Variants in NPSR1 observed in about 807,000 individuals in gnomAD.
NPSR1 encodes the protein neuropeptide S receptor.
In NPSR1, 48 loss-of-function variants were observed where a neutral mutation model predicts 46.9. The observed-to-expected ratio is 1.02, with a 90% CI of 0.81 to 1.30. The LOEUF is 1.30. Among genes scored for constraint, NPSR1 ranks in the 50% most tolerant of loss-of-function variants. The probability of loss-of-function intolerance (pLI) is 0.00; values close to 1 mark genes in which losing one functional copy is unlikely to be tolerated. For missense variants in NPSR1, 450 were observed against 449.5 expected (o/e 1.00, Z -0.01); for synonymous variants, 176 against 168.1 (o/e 1.05, Z -0.36).
At position 34,835,582 on chromosome 7, in the gene NPSR1, A is replaced by G. The variant is rs574667421; in HGVS notation, c.757+1122A>G. On this transcript the variant is annotated intron_variant, in intron 6 of 8. Transcript: ENST00000360581. ...CTCCCTCTTAAAGCTACTTTTTCCA[A>G]TAAGACTGTGAGGCCACCAAGAGGA... 2.5e-4 allele frequency among the ~76,000 whole-genome samples: 38 copies of G among 152,288 alleles called. No homozygotes were observed. The South Asian group carries it at 7.5e-3, about 30-fold the overall frequency.
At chr7:34,853,593 T>C (rs1790986380), downstream of NPSR1, among the ~76,000 whole-genome samples, 1 of 152,214 alleles carries the variant, frequency 6.6e-6, no homozygotes, top group Non-Finnish European at 1.5e-5. Flanking sequence ...GATGGAGTCT[T>C]ATATCAGCTG....
At chr7:34,722,878 C>T (rs1783933075) in intron 2 of NPSR1, among the ~76,000 whole-genome samples, 1 of 152,124 alleles carries the variant, frequency 6.6e-6, no homozygotes, top group Non-Finnish European at 1.5e-5. Flanking sequence ...AGAAATCATG[C>T]CTCCTTTGAG....
At chr7:34,753,043 C>T (rs1021867200) in intron 2 of NPSR1, among the ~76,000 whole-genome samples, 2 of 152,198 alleles carry the variant, frequency 1.3e-5, no homozygotes, top group African/African-American at 4.8e-5. Flanking sequence ...CTTGCATTCT[C>T]AGCACATAGC....
At chr7:34,861,564 C>G (rs193048457) in intron 8 of NPSR1, among the ~76,000 whole-genome samples, 1 of 151,920 alleles carries the variant, frequency 6.6e-6, no homozygotes, top group East Asian at 1.9e-4. Flanking sequence ...TCCCATGAGA[C>G]AAAGATCTTT....
At chr7:34,823,399 G>GAAAAAAAAAAAAAAAAAAAAAAA (rs577186339) in intron 4 of NPSR1, among the ~76,000 whole-genome samples, 24 of 68,212 alleles carry the variant, frequency 3.5e-4, no homozygotes, top group East Asian at 1.2e-3. Context: ...GACTTCACCA[G>GAAAAAAAAAAAAAAAAAAAAAAA]AAAAAAAAAA....
chr7:34,684,418 G>A, intron 1 of NPSR1, 134 bp from the exon 2 acceptor site: 1 of 781,038 alleles, frequency 1.3e-6, no homozygotes, highest in Non-Finnish European at 2.1e-6. Context: ...TTTTGTCATT[G>A]TTTTCTTGAG....
chr7:34,779,905 AG>A (rs2128737508), intron 3 of NPSR1: 1 of 157,932 alleles, frequency 6.3e-6, no homozygotes, highest in East Asian at 1.8e-4. Flanking sequence ...GCTTATCAAA[AG>A]GTTCGGTCAG....
intron 3 of NPSR1, among the ~76,000 whole-genome samples, chr7:34,792,726 T>TAC (rs1241754076): frequency 5.3e-5 from 7 of 131,618 alleles, no homozygotes; most frequent in African/African-American, 2.0e-4. Context: ...TATATATATA[T>TAC]ATATATATTA....
intron 8 of NPSR1, among the ~76,000 whole-genome samples, chr7:34,865,304 G>A (rs1186571451): frequency 6.6e-6 from 1 of 151,820 alleles, no homozygotes. Context: ...ATCTCTGGAA[G>A]GGCTGATGCG....
chr7:34,828,122 A>G (rs1250134571), intron 5 of NPSR1, among the ~76,000 whole-genome samples: 1 of 152,252 alleles, frequency 6.6e-6, no homozygotes, highest in Non-Finnish European at 1.5e-5. Context: ...CTAATATGCT[A>G]AACTGTCTAT....
intron 8 of NPSR1, among the ~76,000 whole-genome samples, chr7:34,865,275 T>C (rs947440714): frequency 2.6e-5 from 4 of 151,988 alleles, no homozygotes; most frequent in African/African-American, 9.7e-5. Context: ...TAGCCTATCC[T>C]GCCTGATACA....
chr7:34,673,324 T>C (rs1197342812), intron 1 of NPSR1, among the ~76,000 whole-genome samples: 2 of 152,150 alleles, frequency 1.3e-5, no homozygotes, highest in Non-Finnish European at 2.9e-5. Flanking sequence ...CTCAGAAATG[T>C]TTATGGAATT....
At chr7:34,701,953 C>T (rs939042555) in intron 2 of NPSR1, among the ~76,000 whole-genome samples, 2 of 152,118 alleles carry the variant, frequency 1.3e-5, no homozygotes, top group Non-Finnish European at 2.9e-5. Context: ...TTAGATTCAG[C>T]GCACATAACA....
At chr7:34,674,605 A>G (rs545338390) in intron 1 of NPSR1, among the ~76,000 whole-genome samples, 1 of 152,306 alleles carries the variant, frequency 6.6e-6, no homozygotes, top group East Asian at 1.9e-4. Context: ...TATTTCCTGT[A>G]TTGGAAAATG....
intron 7 of NPSR1, among the ~76,000 whole-genome samples, 163 bp downstream of exon 7, chr7:34,845,145 A>G (rs182538739): frequency 3.9e-5 from 6 of 152,294 alleles, no homozygotes; most frequent in African/African-American, 1.4e-4. Context: ...TGGTTCCTTC[A>G]AGGGCTGACA....
intron 3 of NPSR1, among the ~76,000 whole-genome samples, chr7:34,798,802 A>T (rs1255045624): frequency 6.6e-6 from 1 of 152,224 alleles, no homozygotes; most frequent in African/African-American, 2.4e-5. Flanking sequence ...ATAGAACTAA[A>T]AATCAGTAAC....
At chr7:34,712,399 A>G (rs1345219046) in intron 2 of NPSR1, among the ~76,000 whole-genome samples, 6 of 152,192 alleles carry the variant, frequency 3.9e-5, no homozygotes, top group Non-Finnish European at 5.9e-5. Context: ...TATTTTATTC[A>G]AAATTCAAAT....
intron 5 of NPSR1, among the ~76,000 whole-genome samples, chr7:34,831,478 G>A (rs1041032228): frequency 2.0e-5 from 3 of 152,072 alleles, no homozygotes; most frequent in African/African-American, 7.2e-5. Context: ...GAGGGGGGAA[G>A]AAAGGGAGGG....
At chr7:34,664,616 T>C (rs73103347) in intron 1 of NPSR1, among the ~76,000 whole-genome samples, 1 of 144,986 alleles carries the variant, frequency 6.9e-6, no homozygotes, top group Admixed American at 6.8e-5. Context: ...TTCTTTTTTT[T>C]AAAAAAAAAA....
Sources: allele counts gnomAD v4.1 joint callset (sites outside exome capture counted in the v4.1 genomes callset), GRCh38; gene constraint gnomAD v4.1.1; transcripts MANE v1.5; gene names NCBI Gene and HGNC (gene_info 2026-07-23, HGNC 2026-07-21).